Variants in STOM observed in about 807,000 individuals in gnomAD.
The protein encoded by STOM is stomatin, also known as erythrocyte band 7 integral membrane protein.
Under a neutral mutation model 30.6 loss-of-function variants are expected in STOM, and 25 were observed. The ratio of observed to expected loss-of-function variants is 0.82; its 90% CI spans 0.60 to 1.14. The LOEUF (loss-of-function observed/expected upper bound fraction) is 1.14. STOM is among the 50% of genes most tolerant of loss of function. STOM has a pLI of 0.00. For missense variants in STOM, 292 were observed against 365.2 expected (o/e 0.80, Z 1.63); for synonymous variants, 118 against 130.8 (o/e 0.90, Z 0.67).
Position 121,339,386 on chromosome 9 carries a change from A to T in STOM, c.*1816T>A. 2.2e-6 allele frequency: 1 copy of T among 457,298 alleles called. No homozygotes were observed. The highest frequency in any genetic ancestry group is 3.4e-6 in the Non-Finnish European group (1 of 297,804). The allele number at this position is 457,298 out of a possible 1,614,324, so 28.3% of individuals were successfully genotyped here. A position where few individuals can be genotyped will look rare whatever the true frequency, so the allele number is the denominator to read the frequency against. On this transcript the variant is annotated 3_prime_UTR_variant, in exon 7 of 7. Coordinates refer to ENST00000286713, the MANE Select transcript of STOM (RefSeq NM_004099.6). ...ACACAACAGATAAAACCATCATTTT[A>T]AAATTCAAAATGTAAGTGCAACTTG...
At chr9:121,364,025 G>A (rs1252747978) in intron 1 of STOM, among the ~76,000 whole-genome samples, 1 of 151,978 alleles carries the variant, frequency 6.6e-6, no homozygotes, top group Admixed American at 6.6e-5. Context: ...AATTTTAGGA[G>A]AAAAAGACAA....
chr9:121,358,409 A>C (rs1490225923), intron 1 of STOM, among the ~76,000 whole-genome samples: 1 of 152,070 alleles, frequency 6.6e-6, no homozygotes, highest in Non-Finnish European at 1.5e-5. Context: ...GGCTGCAGTG[A>C]GCTGTGATGT....
intron 6 of STOM, among the ~76,000 whole-genome samples, chr9:121,346,737 T>C (rs2064293209): frequency 1.3e-5 from 2 of 152,200 alleles, no homozygotes; most frequent in South Asian, 4.1e-4. Context: ...ACAATCATCA[T>C]ACCAGGAAAA....
chr9:121,341,527 A>T, intron 6 of STOM, 119 bp from the exon 7 acceptor site: 1 of 1,310,746 alleles, frequency 7.6e-7, no homozygotes, highest in Non-Finnish European at 1.0e-6. Flanking sequence ...GGCGTATGCC[A>T]GAGTAGTTTT....
At chr9:121,356,529 A>G (rs1001521139) in intron 1 of STOM, among the ~76,000 whole-genome samples, 4 of 152,248 alleles carry the variant, frequency 2.6e-5, no homozygotes, top group Non-Finnish European at 4.4e-5. Flanking sequence ...ATTAGGTGGT[A>G]AGTACAGATA....
rs758731643 is a variant in STOM, at chr9:121,353,214, C to T, written c.321+6G>A. 2.5e-6 allele frequency: 4 copies of T among 1,594,168 alleles called. No individual in the cohort carries two copies. Among genetic ancestry groups the T allele is most frequent in the Non-Finnish European group, 3.4e-6 (4 of 1,166,346 alleles). On this transcript the variant is annotated splice_donor_region_variant and intron_variant, in intron 4 of 6. Coordinates refer to ENST00000286713, the MANE Select transcript of STOM (RefSeq NM_004099.6). Reference sequence around the variant, plus strand: ...TGATACCTCAGTTATTCAAAGAAAACCTTACCTCCTGAGGAGGAATATCAA... The same window carrying T: ...TGATACCTCAGTTATTCAAAGAAAATCTTACCTCCTGAGGAGGAATATCAA...
chr9:121,361,458 G>C (rs1012542230), intron 1 of STOM, among the ~76,000 whole-genome samples: 7 of 145,078 alleles, frequency 4.8e-5, no homozygotes, highest in African/African-American at 1.8e-4. Flanking sequence ...GCGAGATCTC[G>C]GCTCACTGCA....
chr9:121,348,826 C>T (rs1448845627), intron 5 of STOM, among the ~76,000 whole-genome samples: 2 of 152,102 alleles, frequency 1.3e-5, no homozygotes, highest in Non-Finnish European at 2.9e-5. Context: ...TTAGGAATAC[C>T]TACACTATCT....
At position 121,356,167 on chromosome 9, in the gene STOM, CA is replaced by C; in HGVS notation, c.62-12del. The stretch of plus-strand genomic sequence containing the variant: ...CCTTACTGGGGCTGTCTGTTGAAAA[CA>C]AAAAATATACAACTCTCACAACTGT... On this transcript the variant is annotated splice_polypyrimidine_tract_variant and intron_variant, in intron 1 of 6. Transcript: ENST00000286713. 6.2e-7 allele frequency: 1 copy of C among 1,606,730 alleles called. No homozygotes were observed. Among genetic ancestry groups the C allele is most frequent in the Non-Finnish European group, 8.5e-7 (1 of 1,175,442 alleles).
Position 121,356,038 on chromosome 9 carries a change from T to G in STOM, c.165+15A>C, listed in dbSNP as rs2064386606. The G allele has an allele frequency of 6.2e-7, 1 of 1,610,194 alleles. No homozygotes were observed. The highest frequency in any genetic ancestry group is 8.5e-7 in the Non-Finnish European group (1 of 1,177,012). On this transcript the variant is annotated intron_variant, in intron 2 of 6. Coordinates refer to ENST00000286713, the MANE Select transcript of STOM (RefSeq NM_004099.6). The stretch of plus-strand genomic sequence containing the variant: ...GAGTTGACCCCTTCCCAGAAGTGAA[T>G]GAAATGTTCTTTACCTTTATGCACA...
intron 4 of STOM, among the ~76,000 whole-genome samples, chr9:121,350,489 C>G (rs577517890): frequency 6.6e-6 from 1 of 152,138 alleles, no homozygotes; most frequent in Non-Finnish European, 1.5e-5. Flanking sequence ...TGAAACATAG[C>G]GGGTAGTCAA....
At chr9:121,352,022 T>C (rs2064344168) in intron 4 of STOM, among the ~76,000 whole-genome samples, 1 of 152,174 alleles carries the variant, frequency 6.6e-6, no homozygotes, top group African/African-American at 2.4e-5. Flanking sequence ...TTGATAGTAA[T>C]AACAATGATG....
intron 6 of STOM, among the ~76,000 whole-genome samples, chr9:121,345,213 G>T (rs1053086087): frequency 1.3e-5 from 2 of 152,160 alleles, no homozygotes; most frequent in African/African-American, 2.4e-5. Context: ...GGCTCATAGG[G>T]TATACAAATG....
chr9:121,341,517 G>A, intron 6 of STOM, 109 bp from the exon 7 acceptor site: 1 of 1,395,896 alleles, frequency 7.2e-7, no homozygotes, highest in South Asian at 1.2e-5. Flanking sequence ...AACTTTCTAG[G>A]GCGTATGCCA....
chr9:121,343,958 GA>G (rs1244564014), intron 6 of STOM, among the ~76,000 whole-genome samples: 1 of 152,154 alleles, frequency 6.6e-6, no homozygotes, highest in African/African-American at 2.4e-5. Context: ...GACAGAGAAT[GA>G]AATGGTTTGG....
At chr9:121,360,899 C>G (rs750949339) in intron 1 of STOM, among the ~76,000 whole-genome samples, 10 of 152,194 alleles carry the variant, frequency 6.6e-5, no homozygotes, top group Non-Finnish European at 1.3e-4. Context: ...TTTGGTCTTT[C>G]ACATATCAAA....
chr9:121,360,476 C>T (rs957608221), intron 1 of STOM, among the ~76,000 whole-genome samples: 2 of 152,026 alleles, frequency 1.3e-5, no homozygotes, highest in African/African-American at 2.4e-5. Flanking sequence ...CTCTTTGAAC[C>T]TTAGTTTCCT....
chr9:121,352,351 C>T (rs2064346863), intron 4 of STOM, among the ~76,000 whole-genome samples: 1 of 152,144 alleles, frequency 6.6e-6, no homozygotes, highest in African/African-American at 2.4e-5. Context: ...TCCATGGAGC[C>T]AACCGTATAA....
At position 121,340,442 on chromosome 9, in the gene STOM, T is replaced by G. The variant is rs930419986; in HGVS notation, c.*760A>C. ...ATGAACATTAGGGAAATTTCCTTAA[T>G]TAAGACTCTCCAAACCAGGTGTGGT... On this transcript the variant is annotated 3_prime_UTR_variant, in exon 7 of 7. Coordinates refer to ENST00000286713, the MANE Select transcript of STOM (RefSeq NM_004099.6). The G allele has an allele frequency of 3.3e-5, 33 of 985,278 alleles. No individual in the cohort carries two copies. The highest frequency in any genetic ancestry group is 3.9e-5 in the Non-Finnish European group (32 of 829,942). The allele number at this position is 985,278 out of a possible 1,614,324, so 61.0% of individuals were successfully genotyped here. A position where few individuals can be genotyped will look rare whatever the true frequency, so the allele number is the denominator to read the frequency against.
Sources: gnomAD v4.1 joint callset for allele counts (sites outside exome capture counted in the v4.1 genomes callset) on GRCh38, gnomAD v4.1.1 for gene constraint, MANE v1.5 for transcripts, NCBI Gene and HGNC (gene_info 2026-07-23, HGNC 2026-07-21) for gene names.